KCTD5: variants seen among roughly 807,000 people sequenced by gnomAD.
The protein encoded by KCTD5 is BTB/POZ domain-containing protein KCTD5.
Under a neutral mutation model 27.9 loss-of-function variants are expected in KCTD5, and 12 were observed. The observed-to-expected ratio is 0.43, with a 90% CI of 0.28 to 0.70. KCTD5 has a LOEUF of 0.70. Among genes scored for constraint, KCTD5 ranks in the 30% least tolerant of loss-of-function variants. The pLI is 0.19. For synonymous variants in KCTD5, 147 were observed against 121.4 expected (o/e 1.21, Z -1.39); for missense variants, 226 against 274.8 (o/e 0.82, Z 1.26).
At chr16:2,707,254 C>T in intron 5 of KCTD5, 44 bp from the exon 6 acceptor site, 1 of 1,602,236 alleles carries the variant, frequency 6.2e-7, no homozygotes, top group Non-Finnish European at 8.5e-7. Flanking sequence ...TCAGGGACAC[C>T]TCCTCAGCCC....
chr16:2,684,251 A>G (rs374467037), intron 1 of KCTD5: 2 of 152,016 alleles, frequency 1.3e-5, no homozygotes, highest in East Asian at 1.9e-4. Context: ...CTTTGAGGCA[A>G]TGGTTGTCTA....
chr16:2,703,818 G>T (rs965379964), intron 5 of KCTD5, among the ~76,000 whole-genome samples: 1 of 152,160 alleles, frequency 6.6e-6, no homozygotes, highest in African/African-American at 2.4e-5. Flanking sequence ...CGGGGTGGAA[G>T]CTGGGGTTCC....
At chr16:2,692,539 C>A (rs2067571168) in intron 1 of KCTD5, among the ~76,000 whole-genome samples, 1 of 152,196 alleles carries the variant, frequency 6.6e-6, no homozygotes, top group African/African-American at 2.4e-5. Flanking sequence ...CCTCTTTGTC[C>A]TCTGCCCTGC....
intron 1 of KCTD5, among the ~76,000 whole-genome samples, chr16:2,685,260 T>C (rs1423570588): frequency 6.6e-6 from 1 of 150,630 alleles, no homozygotes; most frequent in African/African-American, 2.4e-5. Context: ...ACCCCGTCTC[T>C]ACTAAAAATA....
chr16:2,708,721 C>T lies in KCTD5; in HGVS notation c.*1394C>T, dbSNP rs1379117544. The T allele has an allele frequency of 6.6e-6, 1 of 152,192 alleles. No homozygotes were observed. Among genetic ancestry groups the T allele is most frequent in the East Asian group, 1.9e-4 (1 of 5,190 alleles). The allele number at this position is 152,192 out of a possible 1,614,324, so 9.4% of individuals were successfully genotyped here. A position where few individuals can be genotyped will look rare whatever the true frequency, so the allele number is the denominator to read the frequency against. ...TATGTTGTTAAATGTTTGGCTTAAA[C>T]AATTTATAAAAGCCTTTCTAGAAGG... is the stretch of plus-strand genomic sequence containing the variant. On this transcript the variant is annotated 3_prime_UTR_variant, in exon 6 of 6. Transcript: ENST00000301738.
intron 1 of KCTD5, among the ~76,000 whole-genome samples, chr16:2,688,319 C>G (rs776691341): frequency 6.6e-5 from 10 of 150,908 alleles, no homozygotes; most frequent in South Asian, 4.2e-4. Context: ...GGGGTGATCT[C>G]GGCTCACTGC....
chr16:2,697,368 ACCC>A, intron 2 of KCTD5: 3 of 154,282 alleles, frequency 1.9e-5, no homozygotes, highest in Admixed American at 6.4e-5. Context: ...GCTGGAAGTG[ACCC>A]TCTCAGCCAG....
In KCTD5 at chr16:2,698,017, C is replaced by G. The variant is rs369640060; in HGVS notation, c.453+20C>G. 14 of 1,569,186 alleles carry G rather than the reference C, an allele frequency of 8.9e-6. No individual in the cohort carries two copies. Among genetic ancestry groups the G allele is most frequent in the African/African-American group, 5.4e-5 (4 of 73,976 alleles). On this transcript the variant is annotated intron_variant, in intron 3 of 5. Transcript: ENST00000301738. ...TCGCAGGTGAGACAAATGACTGAGGCTGGAAGCTTGTATGGCTGGTGTGAA... is the reference window on the plus strand; with the variant it reads ...TCGCAGGTGAGACAAATGACTGAGGGTGGAAGCTTGTATGGCTGGTGTGAA...
chr16:2,690,685 G>A (rs1484020701), intron 1 of KCTD5, among the ~76,000 whole-genome samples: 1 of 152,214 alleles, frequency 6.6e-6, no homozygotes, highest in African/African-American at 2.4e-5. Context: ...CCCAGTCGTA[G>A]AGGCGTGAGC....
At chr16:2,698,054 C>T in intron 3 of KCTD5, 57 bp downstream of exon 3, 1 of 1,295,080 alleles carries the variant, frequency 7.7e-7, no homozygotes, top group South Asian at 1.2e-5. Flanking sequence ...GAAGGGCTCC[C>T]CTTTACTCCC....
intron 1 of KCTD5, 88 bp downstream of exon 1, chr16:2,682,888 C>G: frequency 7.0e-7 from 1 of 1,433,948 alleles, no homozygotes; most frequent in Non-Finnish European, 9.2e-7. Context: ...GAGGAGACTT[C>G]AGCGGGAGCG....
chr16:2,688,560 T>C (rs2067553011), intron 1 of KCTD5, among the ~76,000 whole-genome samples: 1 of 151,046 alleles, frequency 6.6e-6, no homozygotes, highest in Admixed American at 6.6e-5. Context: ...AGGAAGGATA[T>C]GCTAAGAACG....
chr16:2,694,193 G>A (rs1271244342), intron 1 of KCTD5, among the ~76,000 whole-genome samples: 3 of 150,666 alleles, frequency 2.0e-5, no homozygotes, highest in African/African-American at 7.3e-5. Flanking sequence ...TAGCAGTTGC[G>A]CAGGACCGCC....
chr16:2,692,634 A>G (rs1409801264), intron 1 of KCTD5, among the ~76,000 whole-genome samples: 2 of 152,226 alleles, frequency 1.3e-5, no homozygotes, highest in Non-Finnish European at 2.9e-5. Flanking sequence ...AAAACGCACC[A>G]CAAGTCCCCA....
Position 2,707,527 on chromosome 16 carries a change from G to C in KCTD5, c.*200G>C. Reference sequence around the variant, plus strand: ...TCCAAGGCCAGACGTCCCCAAGTTGGGGGAGCACGGCGGCCGGGTGGGCGC... The same window carrying C: ...TCCAAGGCCAGACGTCCCCAAGTTGCGGGAGCACGGCGGCCGGGTGGGCGC... On this transcript the variant is annotated 3_prime_UTR_variant, in exon 6 of 6. Transcript: ENST00000301738. 1.4e-6 allele frequency: 1 copy of C among 690,244 alleles called. No homozygotes were observed. The highest frequency in any genetic ancestry group is 2.6e-6 in the Non-Finnish European group (1 of 381,296). 42.8% of individuals were successfully genotyped at this position (690,244 alleles called of 1,614,324 possible).
chr16:2,691,591 A>C (rs527970888), intron 1 of KCTD5, among the ~76,000 whole-genome samples: 1 of 152,294 alleles, frequency 6.6e-6, no homozygotes, highest in South Asian at 2.1e-4. Context: ...CGTGGGGCTC[A>C]GAGAATTGAA....
chr16:2,691,740 C>T (rs1208199000), intron 1 of KCTD5, among the ~76,000 whole-genome samples: 1 of 152,110 alleles, frequency 6.6e-6, no homozygotes, highest in Non-Finnish European at 1.5e-5. Context: ...TGCCCTGCAG[C>T]CTTGGCTCCC....
chr16:2,688,173 C>T (rs916059122), intron 1 of KCTD5, among the ~76,000 whole-genome samples: 1 of 150,042 alleles, frequency 6.7e-6, no homozygotes, highest in South Asian at 2.1e-4. Context: ...TTGTGCCTGG[C>T]GGTCTTCATT....
In KCTD5 at chr16:2,707,595, G is replaced by A. The variant is rs1012866313; in HGVS notation, c.*268G>A. 23 of 612,602 alleles carry A rather than the reference G, an allele frequency of 3.8e-5. No homozygotes were observed. The Admixed American group carries it at 4.8e-4, about 13-fold the overall frequency. The allele number at this position is 612,602 out of a possible 1,614,324, so 37.9% of individuals were successfully genotyped here. On this transcript the variant is annotated 3_prime_UTR_variant, in exon 6 of 6. Coordinates refer to ENST00000301738, the MANE Select transcript of KCTD5 (RefSeq NM_018992.4). ...TCGCTCTGTTTTTTCCAAGTGCCACGTGGGACTGAGGCAGACACTCCCAGT... is the reference window on the plus strand; with the variant it reads ...TCGCTCTGTTTTTTCCAAGTGCCACATGGGACTGAGGCAGACACTCCCAGT...
Sources: gnomAD v4.1 joint callset for allele counts (sites outside exome capture counted in the v4.1 genomes callset) on GRCh38, gnomAD v4.1.1 for gene constraint, MANE v1.5 for transcripts, NCBI Gene and HGNC (gene_info 2026-07-23, HGNC 2026-07-21) for gene names.